Variants in ASPH observed in about 807,000 individuals in gnomAD.
The protein encoded by ASPH is aspartate beta-hydroxylase.
ASPH carries 100 observed loss-of-function variants against 118.4 expected under a neutral mutation model. The observed-to-expected ratio is 0.84, with a 90% CI of 0.72 to 1.00. ASPH has a LOEUF of 1.00. ASPH is among the 50% of genes least tolerant of loss of function. ASPH has a pLI of 0.00. For synonymous variants in ASPH, 315 were observed against 325.6 expected, an observed-to-expected ratio of 0.97 and a Z score of 0.35; for missense variants, 920 against 919.5, an observed-to-expected ratio of 1.00 and a Z score of -0.01.
intron 24 of ASPH, among the ~76,000 whole-genome samples, chr8:61,505,240 AATCT>A (rs1806012246): frequency 6.6e-6 from 1 of 152,168 alleles, no homozygotes; most frequent in Non-Finnish European, 1.5e-5. Context: ...TCACGCCTGT[AATCT>A]CAGCACTTTG....
At chr8:61,561,692 G>A (rs151332428) in intron 18 of ASPH, among the ~76,000 whole-genome samples, 3 of 152,276 alleles carry the variant, frequency 2.0e-5, no homozygotes, top group African/African-American at 7.2e-5. Flanking sequence ...GGAGGCCTGA[G>A]GCAGGAGGGT....
At chr8:61,665,593 A>C in intron 3 of ASPH, 3 of 1,574,514 alleles carry the variant, frequency 1.9e-6, no homozygotes, top group Non-Finnish European at 2.6e-6. Context: ...GCTCTTCTTT[A>C]GTGAGTTCTT....
chr8:61,676,535 C>T (rs1230263876), intron 3 of ASPH, among the ~76,000 whole-genome samples: 1 of 152,140 alleles, frequency 6.6e-6, no homozygotes, highest in African/African-American at 2.4e-5. Context: ...CCAAGCCTCA[C>T]CACTCCTACC....
intron 14 of ASPH, among the ~76,000 whole-genome samples, chr8:61,612,356 G>A (rs929924190): frequency 3.4e-5 from 5 of 148,918 alleles, no homozygotes; most frequent in Admixed American, 6.8e-5. Flanking sequence ...GGGAAAAAAT[G>A]ATTAAGAAAT....
rs1049769928 is a variant in ASPH at position 61,628,219 on chromosome 8, G to T, written c.934+5464C>A. The T allele has an allele frequency of 1.6e-5, 4 of 247,186 alleles. No individual in the cohort carries two copies. In the East Asian group the frequency reaches 4.9e-4, roughly 30 times the overall value. The allele number at this position is 247,186 out of a possible 1,614,324, so 15.3% of individuals were successfully genotyped here. On this transcript the variant is annotated intron_variant, in intron 13 of 24. Transcript: ENST00000379454. ...CTGTCACACAGGCTAGAGTGCAGTG[G>T]TGCGATCATAGCCTACTGCAGCTTT...
chr8:61,704,194 C>CAAAAAAAAAAA (rs61553495), intron 1 of ASPH, among the ~76,000 whole-genome samples: 2 of 40,446 alleles, frequency 4.9e-5, no homozygotes, highest in Admixed American at 3.8e-4. Flanking sequence ...GACTCCGTCT[C>CAAAAAAAAAAA]AAAAAAAAAA....
chr8:61,637,835 C>T, intron 12 of ASPH, 112 bp downstream of exon 12: 8 of 1,014,878 alleles, frequency 7.9e-6, no homozygotes, highest in Non-Finnish European at 1.1e-5. Context: ...TCTTGTACTC[C>T]TAGCTCCTAT....
At chr8:61,584,983 C>T (rs1287688359) in intron 14 of ASPH, among the ~76,000 whole-genome samples, 1 of 152,202 alleles carries the variant, frequency 6.6e-6, no homozygotes, top group African/African-American at 2.4e-5. Context: ...TCTTTAAGTC[C>T]ACTGCACCCT....
intron 1 of ASPH, among the ~76,000 whole-genome samples, chr8:61,686,135 T>C (rs1830426650): frequency 6.6e-6 from 1 of 152,206 alleles, no homozygotes; most frequent in South Asian, 2.1e-4. Context: ...GGTAAATTCA[T>C]AAAGTATGCT....
At chr8:61,629,906 T>C (rs972121946) in intron 13 of ASPH, among the ~76,000 whole-genome samples, 4 of 152,222 alleles carry the variant, frequency 2.6e-5, no homozygotes, top group African/African-American at 9.6e-5. Flanking sequence ...TTGTCAGCTC[T>C]GTGACCTGGG....
rs182859234 is a variant in ASPH at position 61,514,020 on chromosome 8, G to C, written c.2126+3508C>G. ...TTTTTTTGTTTTTTTAAAGAGATGG[G>C]GTCTCACTATGTTTGTTGGAGTGCA... On this transcript the variant is annotated intron_variant, in intron 24 of 24. Coordinates refer to ENST00000379454, the MANE Select transcript of ASPH (RefSeq NM_004318.4). Among the ~76,000 whole-genome samples the C allele has an allele frequency of 1.1e-3, 170 of 152,146 alleles. 1 individual carries two copies. Among genetic ancestry groups the C allele is most frequent in the Non-Finnish European group, 7.5e-4 (51 of 68,004 alleles).
intron 1 of ASPH, among the ~76,000 whole-genome samples, chr8:61,703,649 C>T (rs1364042072): frequency 6.6e-6 from 1 of 152,132 alleles, no homozygotes; most frequent in Non-Finnish European, 1.5e-5. Flanking sequence ...AAATATACCA[C>T]TATCATAAAT....
chr8:61,570,688 G>T lies in ASPH; in HGVS notation c.1150-3370C>A, dbSNP rs201427614. ...AGGCACTTGCACTGAAAAGTCTGCAGATTGATTTTTATCAGTGTAGCATCT... is the reference window on the plus strand; with the variant it reads ...AGGCACTTGCACTGAAAAGTCTGCATATTGATTTTTATCAGTGTAGCATCT... On this transcript the variant is annotated intron_variant, in intron 16 of 24. Coordinates refer to ENST00000379454, the MANE Select transcript of ASPH (RefSeq NM_004318.4). Among the ~76,000 whole-genome samples the T allele has an allele frequency of 3.3e-5, 5 of 152,284 alleles. No homozygotes were observed. In the East Asian group the frequency reaches 9.6e-4, roughly 29 times the overall value.
chr8:61,539,757 G>A (rs1424466763), intron 21 of ASPH, among the ~76,000 whole-genome samples: 5 of 66,402 alleles, frequency 7.5e-5, no homozygotes, highest in African/African-American at 1.3e-4. Flanking sequence ...CCTCTCCTGC[G>A]CTGCTTATGC....
intron 13 of ASPH, among the ~76,000 whole-genome samples, chr8:61,620,103 G>A (rs1410343378): frequency 6.6e-6 from 1 of 152,212 alleles, no homozygotes; most frequent in Non-Finnish European, 1.5e-5. Flanking sequence ...ATGCAGGGAA[G>A]GGATTTTTAT....
chr8:61,640,235 A>T (rs1804493552), intron 10 of ASPH, among the ~76,000 whole-genome samples: 1 of 152,114 alleles, frequency 6.6e-6, no homozygotes, highest in Middle Eastern at 3.2e-3. Flanking sequence ...GGAAAGACCC[A>T]ATTTGGATGA....
At chr8:61,574,782 C>G (rs1319368130) in intron 16 of ASPH, among the ~76,000 whole-genome samples, 1 of 152,046 alleles carries the variant, frequency 6.6e-6, no homozygotes, top group Non-Finnish European at 1.5e-5. Context: ...CACCATGGCA[C>G]GTGTATACCT....
chr8:61,665,209 A>G (rs1452049885), intron 3 of ASPH: 2 of 1,531,246 alleles, frequency 1.3e-6, no homozygotes, highest in Admixed American at 2.3e-5. Flanking sequence ...ACAAACTGCA[A>G]TCTGGAACAT....
At chr8:61,603,803 C>T (rs1352279175) in intron 14 of ASPH, among the ~76,000 whole-genome samples, 1 of 151,988 alleles carries the variant, frequency 6.6e-6, no homozygotes, top group Non-Finnish European at 1.5e-5. Context: ...GTAAGAATTA[C>T]AAAATGCTCT....
Sources: allele counts gnomAD v4.1 joint callset (sites outside exome capture counted in the v4.1 genomes callset), GRCh38; gene constraint gnomAD v4.1.1; transcripts MANE v1.5; gene names NCBI Gene and HGNC (gene_info 2026-07-23, HGNC 2026-07-21).